NBAS: variants seen among roughly 807,000 people sequenced by gnomAD.
NBAS encodes the protein NBAS subunit of NRZ tethering complex, also known as NAG/BC035112 fusion.
NBAS carries 219 observed loss-of-function variants against 302.5 expected under a neutral mutation model. The ratio of observed to expected loss-of-function variants is 0.72; its 90% CI spans 0.65 to 0.81. The LOEUF is 0.81. Among genes scored for constraint, NBAS ranks in the 30% least tolerant of loss-of-function variants. The pLI, the probability that NBAS is intolerant of heterozygous loss-of-function variation, is 0.00. For synonymous variants in NBAS, 1,118 were observed against 1,021.6 expected (o/e 1.09, Z -1.80); for missense variants, 2,932 against 2,841.6 (o/e 1.03, Z -0.72).
chr2:15,355,531 T>C (rs1335591229), intron 33 of NBAS, among the ~76,000 whole-genome samples: 2 of 152,182 alleles, frequency 1.3e-5, no homozygotes, highest in African/African-American at 4.8e-5. Flanking sequence ...TGGATCTGTG[T>C]CCCCATCCAA....
chr2:15,073,602 T>C, the NBAS span, among the ~76,000 whole-genome samples: 1 of 152,180 alleles, frequency 6.6e-6, no homozygotes, highest in African/African-American at 2.4e-5. Flanking sequence ...GCTTATCACT[T>C]CCATGCATTT....
the NBAS span, among the ~76,000 whole-genome samples, chr2:14,860,426 A>C: frequency 6.6e-6 from 1 of 152,206 alleles, no homozygotes; most frequent in Non-Finnish European, 1.5e-5. Context: ...ATAGTGAATA[A>C]ATCTAATTGC....
the NBAS span, among the ~76,000 whole-genome samples, chr2:15,113,362 T>TGA: frequency 6.7e-6 from 1 of 150,028 alleles, no homozygotes; most frequent in South Asian, 2.1e-4. Context: ...TGTGTGTGTG[T>TGA]ATCCTAGCTC....
the NBAS span, among the ~76,000 whole-genome samples, chr2:14,862,338 C>A: frequency 0.052 from 7,907 of 152,020 alleles, 695 homozygotes; most frequent in African/African-American, 0.18. Flanking sequence ...AGGCTGATCT[C>A]GAACTCCTGA....
At chr2:14,913,550 ACTAACTGAGATATTTCATCT>A in the NBAS span, among the ~76,000 whole-genome samples, 2,335 of 152,310 alleles carry the variant, frequency 0.015, 55 homozygotes, top group African/African-American at 0.051. Context: ...TGGAAGCTAA[ACTAACTGAGATATTTCATCT>A]CTATCCTGAG....
chr2:14,788,782 T>TC, the NBAS span, among the ~76,000 whole-genome samples: 1 of 151,054 alleles, frequency 6.6e-6, no homozygotes, highest in African/African-American at 2.4e-5. Context: ...GGTCAGGGGT[T>TC]AGGGACCCAC....
At chr2:14,962,408 T>C in the NBAS span, among the ~76,000 whole-genome samples, 3 of 152,272 alleles carry the variant, frequency 2.0e-5, no homozygotes, top group African/African-American at 7.2e-5. Context: ...AAAGTATCCC[T>C]AGAGTCACTG....
chr2:15,047,112 A>G, the NBAS span, among the ~76,000 whole-genome samples: 4 of 152,260 alleles, frequency 2.6e-5, no homozygotes, highest in Admixed American at 1.3e-4. Flanking sequence ...TTCAGGCAGT[A>G]GAGCCTAGAG....
intron 21 of NBAS, among the ~76,000 whole-genome samples, chr2:15,460,255 ATAT>A (rs897701492): frequency 2.6e-4 from 40 of 152,356 alleles, no homozygotes; most frequent in Middle Eastern, 3.4e-3. Context: ...TAACAAGCAG[ATAT>A]TATAATTATC....
chr2:14,808,070 A>T, the NBAS span, among the ~76,000 whole-genome samples: 5 of 152,346 alleles, frequency 3.3e-5, no homozygotes, highest in East Asian at 9.6e-4. Context: ...TATAGCTATT[A>T]TATGCATTTC....
the NBAS span, among the ~76,000 whole-genome samples, chr2:14,833,191 C>T: frequency 6.6e-6 from 1 of 152,242 alleles, no homozygotes; most frequent in East Asian, 1.9e-4. Context: ...GCCTCTAGCT[C>T]TCCATCAAAG....
At chr2:15,244,637 G>A (rs1044972630) in intron 44 of NBAS, among the ~76,000 whole-genome samples, 4 of 152,128 alleles carry the variant, frequency 2.6e-5, no homozygotes, top group African/African-American at 9.7e-5. Flanking sequence ...ACAGGGCAGA[G>A]GATTTGTCCA....
At chr2:14,924,342 T>C in the NBAS span, among the ~76,000 whole-genome samples, 1 of 152,234 alleles carries the variant, frequency 6.6e-6, no homozygotes. Context: ...CATTTGAAAG[T>C]CTGCTTCAGA....
At chr2:15,380,853 C>A (rs1675000260) in intron 29 of NBAS, among the ~76,000 whole-genome samples, 1 of 152,096 alleles carries the variant, frequency 6.6e-6, no homozygotes, top group African/African-American at 2.4e-5. Flanking sequence ...ATTAAGAAGA[C>A]CATCCAATCT....
intron 48 of NBAS, among the ~76,000 whole-genome samples, chr2:15,200,922 T>A (rs1665846304): frequency 6.6e-6 from 1 of 152,236 alleles, no homozygotes; most frequent in Non-Finnish European, 1.5e-5. Flanking sequence ...GTATTGACAG[T>A]TGCTTATTTT....
chr2:15,260,687 G>GCAGGCATAAGAGCA (rs1365922506), intron 44 of NBAS, among the ~76,000 whole-genome samples: 1 of 152,156 alleles, frequency 6.6e-6, no homozygotes, highest in Non-Finnish European at 1.5e-5. Flanking sequence ...TCTTATGCCA[G>GCAGGCATAAGAGCA]CTCCTGGAGC....
intron 49 of NBAS, among the ~76,000 whole-genome samples, chr2:15,189,022 C>T (rs766383744): frequency 3.3e-5 from 5 of 152,126 alleles, no homozygotes; most frequent in African/African-American, 4.8e-5. Context: ...ACAAGTTGAG[C>T]ACAGGACCCA....
chr2:14,965,263 A>G, the NBAS span, among the ~76,000 whole-genome samples: 2 of 152,168 alleles, frequency 1.3e-5, no homozygotes, highest in African/African-American at 4.8e-5. Context: ...GTACTTTGAC[A>G]GATCAATAAA....
intron 40 of NBAS, among the ~76,000 whole-genome samples, chr2:15,294,037 T>G (rs530830123): frequency 6.6e-6 from 1 of 152,226 alleles, no homozygotes; most frequent in East Asian, 1.9e-4. Flanking sequence ...CCATCTTTCA[T>G]TCCTTCAATA....
Sources: gnomAD v4.1 joint callset for allele counts (sites outside exome capture counted in the v4.1 genomes callset) on GRCh38, gnomAD v4.1.1 for gene constraint, MANE v1.5 for transcripts, NCBI Gene and HGNC (gene_info 2026-07-23, HGNC 2026-07-21) for gene names.